CTCF: variants seen among roughly 807,000 people sequenced by gnomAD.
CTCF encodes CCCTC-binding factor, also known as transcriptional repressor CTCF.
Under a neutral mutation model 72.3 loss-of-function variants are expected in CTCF, and 7 were observed. The ratio of observed to expected loss-of-function variants is 0.10; its 90% CI spans 0.06 to 0.18. The LOEUF (loss-of-function observed/expected upper bound fraction) is 0.18. CTCF is among the 10% of genes least tolerant of loss of function. CTCF has a pLI of 1.00. For missense variants in CTCF, 516 were observed against 949.1 expected, an observed-to-expected ratio of 0.54 and a Z score of 6.00; for synonymous variants, 374 against 315.8, an observed-to-expected ratio of 1.18 and a Z score of -1.95.
At chr16:67,593,040 A>G (rs968880964) in intron 2 of CTCF, among the ~76,000 whole-genome samples, 1 of 149,482 alleles carries the variant, frequency 6.7e-6, no homozygotes, top group Admixed American at 6.7e-5. Context: ...AAAAAAATTT[A>G]TATATATATG....
intron 7 of CTCF, among the ~76,000 whole-genome samples, 157 bp downstream of exon 7, chr16:67,621,748 C>CTTTTTT (rs34853932): frequency 5.8e-5 from 7 of 121,334 alleles, no homozygotes; most frequent in East Asian, 2.2e-4. Context: ...TGCTTAGCTG[C>CTTTTTT]TTTTTTTTTT....
At chr16:67,566,540 A>C (rs1597671923) in intron 1 of CTCF, among the ~76,000 whole-genome samples, 1 of 146,404 alleles carries the variant, frequency 6.8e-6, no homozygotes, top group African/African-American at 2.5e-5. Flanking sequence ...AAAAAAAAAA[A>C]GATTAGTCTT....
intron 2 of CTCF, among the ~76,000 whole-genome samples, chr16:67,601,003 G>T (rs1398741698): frequency 2.0e-5 from 3 of 152,100 alleles, no homozygotes; most frequent in Non-Finnish European, 4.4e-5. Flanking sequence ...GGTATGTTTT[G>T]TACTAAGAGG....
chr16:67,612,327 T>C, intron 4 of CTCF: 1 of 416,026 alleles, frequency 2.4e-6, no homozygotes, highest in Non-Finnish European at 4.2e-6. Flanking sequence ...AATAACACCC[T>C]CTCTCTTAAA....
chr16:67,598,665 C>T (rs537950304), intron 2 of CTCF, among the ~76,000 whole-genome samples: 22 of 152,338 alleles, frequency 1.4e-4, no homozygotes, highest in African/African-American at 5.3e-4. Context: ...GCAATTTCTC[C>T]CACATATCTT....
chr16:67,572,967 A>G (rs2051445090), intron 2 of CTCF, among the ~76,000 whole-genome samples: 1 of 114,206 alleles, frequency 8.8e-6, no homozygotes, highest in Admixed American at 1.0e-4. Context: ...CCAAAACAAC[A>G]AAAGACTGGG....
intron 2 of CTCF, among the ~76,000 whole-genome samples, chr16:67,603,635 C>G (rs913746316): frequency 6.6e-6 from 1 of 151,816 alleles, no homozygotes; most frequent in Non-Finnish European, 1.5e-5. Context: ...ACCATCCTGG[C>G]TAACACGGTG....
At chr16:67,622,782 T>C (rs1032163955) in intron 7 of CTCF, among the ~76,000 whole-genome samples, 1 of 151,428 alleles carries the variant, frequency 6.6e-6, no homozygotes, top group Non-Finnish European at 1.5e-5. Context: ...TAGCTGAGAT[T>C]ATAGGCGCAT....
At chr16:67,632,074 CAAAA>C (rs556248338) in intron 10 of CTCF, among the ~76,000 whole-genome samples, 2 of 96,348 alleles carry the variant, frequency 2.1e-5, no homozygotes, top group African/African-American at 7.9e-5. Flanking sequence ...ACCCTGTCTC[CAAAA>C]AAAAAAAAAA....
Position 67,628,382 on chromosome 16 carries a change from A to G in CTCF, c.1531A>G (p.Ile511Val), listed in dbSNP as rs775406577. 3.7e-6 allele frequency: 6 copies of G among 1,613,968 alleles called. No individual in the cohort carries two copies. Among genetic ancestry groups the G allele is most frequent in the East Asian group, 2.2e-5 (1 of 44,894 alleles). Reference protein sequence around the residue: ...DYACRQERHMIMHKRTHTGEK... With the variant: ...DYACRQERHMVMHKRTHTGEK... The stretch of plus-strand genomic sequence containing the variant: ...TATGCCGTTTCAGGAGAGGCACATG[A>G]TCATGCACAAGCGCACCCACACCGG... The change falls in exon 9 of 12, where the codon ATC becomes GTC. Residue 511 changes from isoleucine (I) to valine (V), a missense_variant. This residue lies in a region of CTCF where 81 missense variants were observed against 184.3 expected (regional missense o/e 0.44). Transcript: ENST00000264010.
At chr16:67,620,374 T>TACAACA (rs2052185430) in intron 5 of CTCF, among the ~76,000 whole-genome samples, 1 of 152,030 alleles carries the variant, frequency 6.6e-6, no homozygotes, top group Non-Finnish European at 1.5e-5. Flanking sequence ...CTAATTTTTG[T>TACAACA]ATTGTTAGTA....
Position 67,629,797 on chromosome 16 carries a change from C to T in CTCF, c.1837+264C>T, listed in dbSNP as rs71393957. ...TTTTTTTTTTTTTTTTTTTTTGAGA[C>T]GGAGTCTCGCTCTGTCGCCCAGGCT... is the stretch of plus-strand genomic sequence containing the variant. On this transcript the variant is annotated intron_variant, in intron 10 of 11. Coordinates refer to ENST00000264010, the MANE Select transcript of CTCF (RefSeq NM_006565.4). Among the ~76,000 whole-genome samples, 297 of 50,816 alleles carry T rather than the reference C, an allele frequency of 5.8e-3. 6 individuals are homozygous for T. In the Admixed American group the frequency reaches 0.075, roughly 13 times the overall value. The allele number at this position is 50,816 out of a possible 152,430, so 33.3% of individuals were successfully genotyped here. A position where few individuals can be genotyped will look rare whatever the true frequency, so the allele number is the denominator to read the frequency against.
chr16:67,628,680 T>A, intron 9 of CTCF, 128 bp downstream of exon 9: 2 of 916,432 alleles, frequency 2.2e-6, no homozygotes, highest in Non-Finnish European at 3.4e-6. Context: ...TGGAAAGGGT[T>A]AGTCATCCCC....
chr16:67,621,408 T>C, intron 6 of CTCF, 34 bp from the exon 7 acceptor site: 1 of 1,475,822 alleles, frequency 6.8e-7, no homozygotes, highest in Non-Finnish European at 9.4e-7. Context: ...TTTATTCATT[T>C]CATTTATGTG....
intron 2 of CTCF, among the ~76,000 whole-genome samples, chr16:67,585,916 C>T (rs1435692216): frequency 2.0e-5 from 3 of 152,052 alleles, no homozygotes; most frequent in Admixed American, 1.3e-4. Flanking sequence ...GTATTTGCTT[C>T]TTCCTTTGTC....
At chr16:67,633,927 G>C (rs2052397434) in intron 10 of CTCF, among the ~76,000 whole-genome samples, 1 of 151,944 alleles carries the variant, frequency 6.6e-6, no homozygotes, top group Non-Finnish European at 1.5e-5. Flanking sequence ...AGTAGGTAGG[G>C]GGATCATGAG....
intron 5 of CTCF, among the ~76,000 whole-genome samples, chr16:67,619,923 T>C (rs992346016): frequency 1.3e-5 from 2 of 151,918 alleles, no homozygotes; most frequent in African/African-American, 4.8e-5. Context: ...AAGTCACTGT[T>C]TTAGTATAAG....
chr16:67,588,911 G>A (rs1232280342), intron 2 of CTCF, among the ~76,000 whole-genome samples: 7 of 151,940 alleles, frequency 4.6e-5, no homozygotes, highest in Non-Finnish European at 8.8e-5. Flanking sequence ...GGCTGGTCTC[G>A]AACTTCTAAC....
At chr16:67,632,911 C>T (rs1046533908) in intron 10 of CTCF, among the ~76,000 whole-genome samples, 8 of 152,054 alleles carry the variant, frequency 5.3e-5, no homozygotes, top group East Asian at 1.9e-4. Context: ...GTTAATAACC[C>T]GTGCTTTCTA....
Sources: gnomAD v4.1 joint callset for allele counts (sites outside exome capture counted in the v4.1 genomes callset) on GRCh38, gnomAD v4.1.1 for gene constraint, gnomAD v4.1.1 regional missense constraint, MANE v1.5 for transcripts, NCBI Gene and HGNC (gene_info 2026-07-23, HGNC 2026-07-21) for gene names.